PREX1: variants seen among roughly 807,000 people sequenced by gnomAD.
The protein encoded by PREX1 is phosphatidylinositol 3,4,5-trisphosphate-dependent Rac exchanger 1 protein.
A neutral mutation model predicts 198.3 loss-of-function variants in PREX1; 41 were observed. The observed-to-expected ratio is 0.21, with a 90% CI of 0.16 to 0.27. The LOEUF (loss-of-function observed/expected upper bound fraction) is 0.27. Ranked by LOEUF, PREX1 falls within the 10% of genes least tolerant of loss-of-function variation. The probability of loss-of-function intolerance (pLI) is 1.00; values close to 1 mark genes in which losing one functional copy is unlikely to be tolerated. For missense variants in PREX1, 1,620 were observed against 2,200.7 expected, an observed-to-expected ratio of 0.74 and a Z score of 5.28; for synonymous variants, 843 against 887.2, an observed-to-expected ratio of 0.95 and a Z score of 0.89.
intron 13 of PREX1, among the ~76,000 whole-genome samples, chr20:48,678,130 A>ACTTTAGTAGAAG: frequency 6.6e-6 from 1 of 152,358 alleles, no homozygotes; most frequent in Admixed American, 6.5e-5. Context: ...CCTGGCCAAC[A>ACTTTAGTAGAAG]TGGTGAAACC....
At chr20:48,686,784 T>C (rs1317316300) in intron 10 of PREX1, among the ~76,000 whole-genome samples, 1 of 152,072 alleles carries the variant, frequency 6.6e-6, no homozygotes, top group East Asian at 1.9e-4. Flanking sequence ...GGCAATAGAG[T>C]CCATGGCGCC....
intron 33 of PREX1, 127 bp downstream of exon 33, chr20:48,634,549 A>T: frequency 1.2e-6 from 1 of 828,814 alleles, no homozygotes. Flanking sequence ...GTTTGACAGC[A>T]CTGAGTACTG....
intron 1 of PREX1, among the ~76,000 whole-genome samples, chr20:48,769,233 T>C (rs903625619): frequency 1.3e-5 from 2 of 150,788 alleles, no homozygotes; most frequent in African/African-American, 4.8e-5. Flanking sequence ...GAAGCCTGTG[T>C]CTGCTCTCAG....
chr20:48,711,939 C>T (rs1232357537), intron 5 of PREX1, among the ~76,000 whole-genome samples: 2 of 152,182 alleles, frequency 1.3e-5, no homozygotes, highest in African/African-American at 4.8e-5. Context: ...TGGTGAGGGG[C>T]ACACCTCAGG....
Position 48,625,705 on chromosome 20 carries a change from G to A in PREX1, c.*180C>T, listed in dbSNP as rs2089266056. On this transcript the variant is annotated 3_prime_UTR_variant, in exon 40 of 40. Coordinates refer to ENST00000371941, the MANE Select transcript of PREX1 (RefSeq NM_020820.4). Reference sequence around the variant, plus strand: ...CGGCCCAGGGCCAATCAGCCAGCTCGTCATCACAGCGAGGGTGGCCAGGCT... The same window carrying A: ...CGGCCCAGGGCCAATCAGCCAGCTCATCATCACAGCGAGGGTGGCCAGGCT... 1 of 725,028 alleles carries A rather than the reference G, an allele frequency of 1.4e-6. No individual in the cohort carries two copies. The highest frequency in any genetic ancestry group is 2.2e-6 in the Non-Finnish European group (1 of 464,538). 44.9% of individuals were successfully genotyped at this position (725,028 alleles called of 1,614,324 possible). A position where few individuals can be genotyped will look rare whatever the true frequency, so the allele number is the denominator to read the frequency against.
At chr20:48,653,518 T>G in intron 19 of PREX1, 21 bp from the exon 20 acceptor site, 1 of 1,591,880 alleles carries the variant, frequency 6.3e-7, no homozygotes, top group Non-Finnish European at 8.6e-7. Flanking sequence ...CAGGAGCACA[T>G]GAGGCTGGAT....
At chr20:48,681,447 C>G (rs1366300958) in intron 10 of PREX1, 112 bp from the exon 11 acceptor site, 1 of 1,026,716 alleles carries the variant, frequency 9.7e-7, no homozygotes, top group Admixed American at 1.7e-5. Context: ...GCTAGAACTT[C>G]CCACAGGGAA....
chr20:48,809,704 C>T (rs1351395383), intron 1 of PREX1, among the ~76,000 whole-genome samples: 1 of 152,188 alleles, frequency 6.6e-6, no homozygotes, highest in Non-Finnish European at 1.5e-5. Context: ...CAGGAAGACA[C>T]CAAACCTGAC....
chr20:48,734,418 A>G, intron 4 of PREX1, 128 bp downstream of exon 4: 1 of 824,942 alleles, frequency 1.2e-6, no homozygotes, highest in East Asian at 2.5e-5. Context: ...TCCCTGCTTT[A>G]GGCAGGAGAT....
Position 48,691,931 on chromosome 20 carries a change from C to A in PREX1, c.1036+741G>T, listed in dbSNP as rs540403826. On this transcript the variant is annotated intron_variant, in intron 8 of 39. Coordinates refer to ENST00000371941, the MANE Select transcript of PREX1 (RefSeq NM_020820.4). The surrounding 1 kb of genome is among the most constrained non-coding windows in gnomAD (Gnocchi z 5.0). ...GGGAGACTAGGTGTCGCTCTGTCAC[C>A]CAGGCTGGAGTGCACTGGTGAAATC... Among the ~76,000 whole-genome samples, 25 of 152,284 alleles carry A rather than the reference C, an allele frequency of 1.6e-4. No homozygotes were observed. In the South Asian group the frequency reaches 4.4e-3, roughly 27 times the overall value.
chr20:48,813,423 G>A (rs539603430), intron 1 of PREX1, among the ~76,000 whole-genome samples: 1 of 152,314 alleles, frequency 6.6e-6, no homozygotes, highest in African/African-American at 2.4e-5. Context: ...GGGGATGGGC[G>A]AGGAGATGGG....
rs777715838 is a variant in PREX1 at position 48,649,302 on chromosome 20, G to A, written c.3303C>T (p.Asn1101=). 3 of 1,612,316 alleles carry A rather than the reference G, an allele frequency of 1.9e-6. No homozygotes were observed. The South Asian group carries it at 3.3e-5, about 18-fold the overall frequency. ...KEMKQYVTQI[N]RLLSTITEPT... ...GGACACCCCCGGCCAGCGCTCACCT[G>A]TTGATCTGGGTGACATATTGCTTCA... Residue 1101 remains asparagine (N), a splice_region_variant and synonymous_variant, in exon 25 of 40, where the codon AAC becomes AAT. Coordinates refer to ENST00000371941, the MANE Select transcript of PREX1 (RefSeq NM_020820.4).
the PREX1 span, among the ~76,000 whole-genome samples, chr20:48,881,644 G>A: frequency 6.6e-6 from 1 of 151,982 alleles, no homozygotes; most frequent in East Asian, 1.9e-4. Flanking sequence ...CTGCCACGAC[G>A]CCCAGCTAAT....
At chr20:48,759,549 C>CA (rs386393896) in intron 1 of PREX1, among the ~76,000 whole-genome samples, 2,184 of 73,690 alleles carry the variant, frequency 0.03, 87 homozygotes, top group African/African-American at 0.098. Flanking sequence ...GATTCCATCT[C>CA]AAAAAAAAAA....
At chr20:48,862,678 T>TA in the PREX1 span, among the ~76,000 whole-genome samples, 123 of 145,292 alleles carry the variant, frequency 8.5e-4, no homozygotes, top group African/African-American at 2.8e-3. Context: ...AAGCACACAT[T>TA]AAAAAAAAAG....
chr20:48,827,159 C>T lies in PREX1; in HGVS notation c.219+483G>A, dbSNP rs1421194143. Among the ~76,000 whole-genome samples the T allele has an allele frequency of 1.3e-5, 2 of 152,160 alleles. No homozygotes were observed. The highest frequency in any genetic ancestry group is 2.9e-5 in the Non-Finnish European group (2 of 68,024). ...TACCCTGGGGTTCTGTCAATCCCCG[C>T]CCCTCCTCTGAGCTTCAGGTTTTAT... On this transcript the variant is annotated intron_variant, in intron 1 of 39. Coordinates refer to ENST00000371941, the MANE Select transcript of PREX1 (RefSeq NM_020820.4). This position sits in a 1 kb window ranked among gnomAD's most constrained non-coding sequence, Gnocchi z 4.1.
chr20:48,685,988 A>C (rs930814105), intron 10 of PREX1, among the ~76,000 whole-genome samples: 1 of 152,328 alleles, frequency 6.6e-6, no homozygotes, highest in Admixed American at 6.5e-5. Context: ...GGGAAAAATA[A>C]AATGTGCTGA....
At chr20:48,750,812 G>A (rs146683334) in intron 1 of PREX1, among the ~76,000 whole-genome samples, 29 of 152,308 alleles carry the variant, frequency 1.9e-4, no homozygotes, top group African/African-American at 7.0e-4. Context: ...TCATGGCTGG[G>A]ATGAAACCAT....
At chr20:48,725,078 G>A (rs1286890613) in intron 5 of PREX1, among the ~76,000 whole-genome samples, 3 of 152,168 alleles carry the variant, frequency 2.0e-5, no homozygotes. Context: ...ATGGCCCCAG[G>A]GTCTGGCCCA....
Sources: allele counts gnomAD v4.1 joint callset (sites outside exome capture counted in the v4.1 genomes callset), GRCh38; gene constraint gnomAD v4.1.1; non-coding constraint Gnocchi (gnomAD v3.1); transcripts MANE v1.5; gene names NCBI Gene and HGNC (gene_info 2026-07-23, HGNC 2026-07-21).